The following MMRN1 variants were observed in gnomAD, a reference collection of about 807,000 sequenced individuals.
The protein encoded by MMRN1 is multimerin 1.
A neutral mutation model predicts 100.7 loss-of-function variants in MMRN1; 94 were observed. The ratio of observed to expected loss-of-function variants is 0.93; its 90% CI spans 0.79 to 1.11. The LOEUF is 1.11. Ranked by LOEUF, MMRN1 falls within the 50% of genes least tolerant of loss-of-function variation. MMRN1 has a pLI of 0.00. For missense variants in MMRN1, 1,606 were observed against 1,439.1 expected (o/e 1.12, Z -1.88); for synonymous variants, 575 against 505.0 (o/e 1.14, Z -1.86).
At chr4:89,896,124 C>T (rs1578464337) in intron 1 of MMRN1, among the ~76,000 whole-genome samples, 1 of 152,196 alleles carries the variant, frequency 6.6e-6, no homozygotes, top group South Asian at 2.1e-4. Context: ...GTCTGTGAAC[C>T]TCAGTTTCTT....
chr4:89,911,014 T>C (rs1418078657), intron 2 of MMRN1, among the ~76,000 whole-genome samples: 1 of 151,384 alleles, frequency 6.6e-6, no homozygotes, highest in Non-Finnish European at 1.5e-5. Context: ...CCCTTTTAGA[T>C]ATGGGACTTT....
chr4:89,943,321 G>A (rs1177582895), intron 6 of MMRN1, among the ~76,000 whole-genome samples: 1 of 152,080 alleles, frequency 6.6e-6, no homozygotes, highest in African/African-American at 2.4e-5. Flanking sequence ...CTAAGAAACT[G>A]CTTGTACACA....
intron 2 of MMRN1, among the ~76,000 whole-genome samples, chr4:89,910,809 C>T (rs771034978): frequency 1.3e-5 from 2 of 151,404 alleles, no homozygotes; most frequent in African/African-American, 2.4e-5. Context: ...CAGACATACT[C>T]GGTTACCTGT....
intron 6 of MMRN1, among the ~76,000 whole-genome samples, chr4:89,940,526 A>G (rs1366013569): frequency 2.0e-5 from 3 of 152,134 alleles, no homozygotes; most frequent in Non-Finnish European, 2.9e-5. Context: ...AACCATTTCT[A>G]AATTTTGTGA....
At chr4:89,879,999 T>C (rs1397942573) in intron 1 of MMRN1, among the ~76,000 whole-genome samples, 2 of 152,210 alleles carry the variant, frequency 1.3e-5, no homozygotes, top group African/African-American at 4.8e-5. Flanking sequence ...TTTACAGATA[T>C]TCTGACTGCT....
At chr4:89,896,611 G>T (rs2110580131) in intron 1 of MMRN1, among the ~76,000 whole-genome samples, 1 of 152,018 alleles carries the variant, frequency 6.6e-6, no homozygotes, top group South Asian at 2.1e-4. Context: ...GACATGTCTT[G>T]GGAGCAAAAT....
intron 2 of MMRN1, among the ~76,000 whole-genome samples, chr4:89,911,569 A>G (rs1578477086): frequency 1.3e-5 from 2 of 151,420 alleles, no homozygotes; most frequent in Non-Finnish European, 3.0e-5. Flanking sequence ...AAATATAACA[A>G]TATAGGAAAT....
intron 3 of MMRN1, among the ~76,000 whole-genome samples, chr4:89,922,336 C>T (rs1184890219): frequency 2.0e-5 from 3 of 152,002 alleles, no homozygotes; most frequent in African/African-American, 4.8e-5. Flanking sequence ...TGAGCTCCGA[C>T]CTCAAGTGAT....
At chr4:89,914,541 A>G (rs1372496383) in intron 3 of MMRN1, among the ~76,000 whole-genome samples, 2 of 151,444 alleles carry the variant, frequency 1.3e-5, no homozygotes, top group African/African-American at 2.4e-5. Context: ...TATTGGGGGA[A>G]AAAAGGAGTA....
At chr4:89,945,752 G>A (rs570224110) in intron 6 of MMRN1, among the ~76,000 whole-genome samples, 2 of 152,138 alleles carry the variant, frequency 1.3e-5, no homozygotes, top group South Asian at 2.1e-4. Flanking sequence ...AAATCCTTTC[G>A]GACAGGTCTA....
intron 2 of MMRN1, among the ~76,000 whole-genome samples, chr4:89,909,636 A>G (rs1721684348): frequency 6.6e-6 from 1 of 151,512 alleles, no homozygotes; most frequent in African/African-American, 2.4e-5. Flanking sequence ...CCTTATAAGC[A>G]TTCAATAAAT....
intron 5 of MMRN1, among the ~76,000 whole-genome samples, chr4:89,928,471 T>A (rs1359518283): frequency 6.6e-6 from 1 of 152,130 alleles, no homozygotes; most frequent in Non-Finnish European, 1.5e-5. Flanking sequence ...AGAATAATAA[T>A]TTATATATGT....
intron 6 of MMRN1, 29 bp from the exon 7 acceptor site, chr4:89,951,576 C>T: frequency 6.9e-7 from 1 of 1,455,664 alleles, no homozygotes; most frequent in Non-Finnish European, 9.1e-7. Context: ...ACTTTATTCT[C>T]TTTTACCTTG....
intron 3 of MMRN1, among the ~76,000 whole-genome samples, chr4:89,914,745 A>G (rs1343379347): frequency 6.6e-6 from 1 of 151,548 alleles, no homozygotes; most frequent in African/African-American, 2.4e-5. Flanking sequence ...CAGCAGTAAC[A>G]TACACTTAAA....
Position 89,953,516 on chromosome 4 carries a change from G to A in MMRN1, c.*98G>A. ...CTGCTCTGTTTTGGTTTTTCTACAG[G>A]AAATGAAAATCAACTTGTTTTTTTA... is the stretch of plus-strand genomic sequence containing the variant. On this transcript the variant is annotated 3_prime_UTR_variant, in exon 8 of 8. Coordinates refer to ENST00000264790, the MANE Select transcript of MMRN1 (RefSeq NM_007351.3). The A allele has an allele frequency of 9.1e-7, 1 of 1,092,962 alleles. No individual in the cohort carries two copies. Among genetic ancestry groups the A allele is most frequent in the Non-Finnish European group, 1.3e-6 (1 of 796,174 alleles). The allele number at this position is 1,092,962 out of a possible 1,614,324, so 67.7% of individuals were successfully genotyped here. A position where few individuals can be genotyped will look rare whatever the true frequency, so the allele number is the denominator to read the frequency against.
chr4:89,918,913 A>C (rs1288718251), intron 3 of MMRN1, among the ~76,000 whole-genome samples: 1 of 151,854 alleles, frequency 6.6e-6, no homozygotes, highest in East Asian at 1.9e-4. Flanking sequence ...TGAGATTTAA[A>C]AAAATTAACT....
In MMRN1 at chr4:89,923,169, C is replaced by T. The variant is rs528835721; in HGVS notation, c.852C>T (p.Ala284=). ...TCTTCTCTTTCTGCTTCCTTCTAGCCCAGGAACAGCAAAGTTTGATACACA... is the reference window on the plus strand; with the variant it reads ...TCTTCTCTTTCTGCTTCCTTCTAGCTCAGGAACAGCAAAGTTTGATACACA... ...GYSGPKCQLR[A]QEQQSLIHTN... The change falls in exon 4 of 8, where the codon GCC becomes GCT. Residue 284 remains alanine, a splice_region_variant and synonymous_variant. Transcript: ENST00000264790. The T allele has an allele frequency of 1.8e-5, 29 of 1,613,260 alleles. No homozygotes were observed. Among genetic ancestry groups the T allele is most frequent in the Non-Finnish European group, 2.4e-5 (28 of 1,179,476 alleles).
intron 5 of MMRN1, among the ~76,000 whole-genome samples, chr4:89,930,941 T>G (rs1722413928): frequency 6.6e-6 from 1 of 152,154 alleles, no homozygotes; most frequent in Non-Finnish European, 1.5e-5. Flanking sequence ...TAGGACTATT[T>G]CTGTATAATT....
chr4:89,880,862 C>G (rs1482314618), intron 1 of MMRN1, among the ~76,000 whole-genome samples: 2 of 152,088 alleles, frequency 1.3e-5, no homozygotes, highest in African/African-American at 4.8e-5. Flanking sequence ...TGTTAAAAAA[C>G]AGTCTCAGGC....
Sources: allele counts gnomAD v4.1 joint callset (sites outside exome capture counted in the v4.1 genomes callset), GRCh38; gene constraint gnomAD v4.1.1; transcripts MANE v1.5; gene names NCBI Gene and HGNC (gene_info 2026-07-23, HGNC 2026-07-21).